TAPBPL: variants seen among roughly 807,000 people sequenced by gnomAD.
TAPBPL encodes the protein TAP binding protein like, also known as tapasin-related protein.
Under a neutral mutation model 44.8 loss-of-function variants are expected in TAPBPL, and 32 were observed. That is an observed-to-expected ratio of 0.71 (90% CI 0.54 to 0.96). TAPBPL has a LOEUF of 0.96. Ranked by LOEUF, TAPBPL falls within the 40% of genes least tolerant of loss-of-function variation. TAPBPL has a pLI of 0.00. For synonymous variants in TAPBPL, 230 were observed against 240.7 expected, an observed-to-expected ratio of 0.96 and a Z score of 0.41; for missense variants, 520 against 586.6, an observed-to-expected ratio of 0.89 and a Z score of 1.17.
Position 6,458,767 on chromosome 12 carries a change from T to A in TAPBPL, c.1027T>A (p.Ser343Thr). ...VTWTREELGG[S>T]PAQVSGASFS... ...GTGGACCCGAGAGGAGCTGGGTGGA[T>A]CCCCAGCCCAAGTCTCTGGTGCCTC... The change falls in exon 5 of 7, where the codon TCC becomes ACC. Residue 343 changes from serine to threonine, a missense_variant. Transcript: ENST00000266556. 1 of 1,614,096 alleles carries A rather than the reference T, an allele frequency of 6.2e-7. No homozygotes were observed. Among genetic ancestry groups the A allele is most frequent in the Non-Finnish European group, 8.5e-7 (1 of 1,180,014 alleles).
downstream of TAPBPL, chr12:6,466,178 C>G (rs745584454): frequency 1.2e-6 from 2 of 1,613,578 alleles, no homozygotes; most frequent in African/African-American, 2.7e-5. Flanking sequence ...CTTTTGTTTC[C>G]AAACTCCTAG....
downstream of TAPBPL, chr12:6,466,852 ACC>A (rs1377352526): frequency 6.4e-6 from 1 of 156,084 alleles, no homozygotes; most frequent in African/African-American, 2.4e-5. Context: ...CTGTGTCCCC[ACC>A]CAAATCTCAA....
chr12:6,462,427 C>A (rs532404500), downstream of TAPBPL: 71 of 486,900 alleles, frequency 1.5e-4, no homozygotes, highest in Non-Finnish European at 2.2e-4. Flanking sequence ...CATGGCAAAC[C>A]GAAGAACGGG....
intron 3 of TAPBPL, among the ~76,000 whole-genome samples, chr12:6,455,249 C>A (rs1297986931): frequency 6.6e-6 from 1 of 152,068 alleles, no homozygotes; most frequent in Non-Finnish European, 1.5e-5. Context: ...ACTTGAACCC[C>A]AAACGCATGT....
chr12:6,465,865 T>A, downstream of TAPBPL: 1 of 1,614,184 alleles, frequency 6.2e-7, no homozygotes, highest in Non-Finnish European at 8.5e-7. Flanking sequence ...CACCAATACT[T>A]CCTCTTTAGC....
At chr12:6,463,428 G>A, downstream of TAPBPL, 2 of 1,053,702 alleles carry the variant, frequency 1.9e-6, no homozygotes, top group Admixed American at 5.0e-5. The surrounding 1 kb of genome is among the most constrained non-coding windows in gnomAD (Gnocchi z 4.0). Context: ...CAAGTGCACG[G>A]GTGGTGTGGA....
downstream of TAPBPL, chr12:6,465,232 A>C: frequency 2.1e-6 from 1 of 468,208 alleles, no homozygotes; most frequent in Non-Finnish European, 4.1e-6. Context: ...AGAGATACAG[A>C]CTCTGGATAT....
Position 6,457,720 on chromosome 12 carries a change from C to A in TAPBPL, c.880C>A (p.Gln294Lys). 6.3e-7 allele frequency: 1 copy of A among 1,592,098 alleles called. No homozygotes were observed. ...QITTSLYRAQ[Q>K]IIQLNIQASP... ...CACCACCTCTCTGTACCGAGCTCAG[C>A]AGATCATCCAGCTCAACATCCAAGG... The change falls in exon 4 of 7, where the codon CAG (glutamine) becomes AAG (lysine). Residue 294 changes from glutamine (Q) to lysine (K), a missense_variant. By Grantham distance (53) the Gln-to-Lys change is moderately conservative (BLOSUM62 1). Coordinates refer to ENST00000266556, the MANE Select transcript of TAPBPL (RefSeq NM_018009.5).
intron 1 of TAPBPL, chr12:6,452,743 G>A (rs1049398309): frequency 1.3e-5 from 8 of 612,220 alleles, no homozygotes; most frequent in South Asian, 1.1e-4. Context: ...CTCTCTCTGC[G>A]GTGGCACTTG....
At chr12:6,461,951 A>G (rs1949875831) in intron 6 of TAPBPL, 83 bp from the exon 7 acceptor site, 16 of 1,113,450 alleles carry the variant, frequency 1.4e-5, no homozygotes, top group Non-Finnish European at 2.1e-5. Context: ...CAGGAGGCAG[A>G]TGGAAGAGGC....
intron 6 of TAPBPL, chr12:6,461,172 A>C (rs1949850584): frequency 7.4e-7 from 1 of 1,353,966 alleles, no homozygotes; most frequent in Admixed American, 3.1e-5. Context: ...AGAAAGAAAG[A>C]GTAGTCACGT....
In TAPBPL at chr12:6,452,196, G is replaced by T; in HGVS notation, c.-53G>T. Reference sequence around the variant, plus strand: ...TCTTCCGCCGGGCCTCGCAAGCAGCGTAGGACTGTGGAGAAGGGCGGTGGG... The same window carrying T: ...TCTTCCGCCGGGCCTCGCAAGCAGCTTAGGACTGTGGAGAAGGGCGGTGGG... On this transcript the variant is annotated 5_prime_UTR_variant, in exon 1 of 7. Coordinates refer to ENST00000266556, the MANE Select transcript of TAPBPL (RefSeq NM_018009.5). 6.4e-7 allele frequency: 1 copy of T among 1,551,594 alleles called. No homozygotes were observed. Among genetic ancestry groups the T allele is most frequent in the Non-Finnish European group, 8.7e-7 (1 of 1,145,978 alleles).
In TAPBPL at chr12:6,452,219, G is replaced by A; in HGVS notation, c.-30G>A. The A allele has an allele frequency of 6.4e-7, 1 of 1,561,930 alleles. No homozygotes were observed. On this transcript the variant is annotated 5_prime_UTR_variant, in exon 1 of 7. Transcript: ENST00000266556. ...GCGTAGGACTGTGGAGAAGGGCGGT[G>A]GGCAAGGAGGGAACTCGAGAGCAGC... is the stretch of plus-strand genomic sequence containing the variant.
chr12:6,463,756 A>G, downstream of TAPBPL: 4 of 1,163,380 alleles, frequency 3.4e-6, no homozygotes, highest in Non-Finnish European at 4.3e-6. This position sits in a 1 kb window ranked among gnomAD's most constrained non-coding sequence, Gnocchi z 4.0. Flanking sequence ...TTCCAGCTAG[A>G]AGCACATGGG....
downstream of TAPBPL, chr12:6,465,411 T>TATATATAC (rs1555130224): frequency 1.4e-5 from 1 of 70,328 alleles, no homozygotes; most frequent in African/African-American, 4.5e-5. Flanking sequence ...AATGTATATA[T>TATATATAC]ATGTATATAT....
At position 6,452,254 on chromosome 12, in the gene TAPBPL, C is replaced by T. The variant is rs1185790096; in HGVS notation, c.6C>T (p.Gly2=). The T allele has an allele frequency of 6.4e-7, 1 of 1,572,760 alleles. No homozygotes were observed. The highest frequency in any genetic ancestry group is 2.3e-5 in the East Asian group (1 of 43,656). Residue 2 remains glycine, a synonymous_variant, in exon 1 of 7, where the codon GGC becomes GGT. Coordinates refer to ENST00000266556, the MANE Select transcript of TAPBPL (RefSeq NM_018009.5). ...GGAACTCGAGAGCAGCCTCCATGGG[C>T]ACACAGGAGGGCTGGTGCCTGCTGC... M[G]TQEGWCLLLC...
chr12:6,453,789 C>A lies in TAPBPL; in HGVS notation c.565+73C>A. The A allele has an allele frequency of 6.8e-7, 1 of 1,462,802 alleles. No individual in the cohort carries two copies. The highest frequency in any genetic ancestry group is 9.0e-7 in the Non-Finnish European group (1 of 1,110,048). 90.6% of individuals were successfully genotyped at this position (1,462,802 alleles called of 1,614,324 possible). On this transcript the variant is annotated intron_variant, in intron 3 of 6. Transcript: ENST00000266556. The surrounding 1 kb of genome is among the most constrained non-coding windows in gnomAD (Gnocchi z 4.8). Reference sequence around the variant, plus strand: ...TTCCAGAATTTTGGGATACCGAGGTCGGTGGATCACCTGAGGTCAGGAGTT... The same window carrying A: ...TTCCAGAATTTTGGGATACCGAGGTAGGTGGATCACCTGAGGTCAGGAGTT...
At chr12:6,454,703 T>C (rs1949660085) in intron 3 of TAPBPL, among the ~76,000 whole-genome samples, 1 of 152,198 alleles carries the variant, frequency 6.6e-6, no homozygotes, top group Admixed American at 6.5e-5. Context: ...GCTAGGCTGC[T>C]CTGGTGCTTC....
chr12:6,464,145 C>A (rs758768912), downstream of TAPBPL: 4 of 1,389,674 alleles, frequency 2.9e-6, no homozygotes, highest in South Asian at 4.9e-5. Context: ...ATGGGTACTT[C>A]GCCTCAGCCA....
Sources: allele counts gnomAD v4.1 joint callset (sites outside exome capture counted in the v4.1 genomes callset), GRCh38; gene constraint gnomAD v4.1.1; non-coding constraint Gnocchi (gnomAD v3.1); transcripts MANE v1.5; gene names NCBI Gene and HGNC (gene_info 2026-07-23, HGNC 2026-07-21).